ITGA6: variants seen among roughly 807,000 people sequenced by gnomAD.
The protein encoded by ITGA6 is integrin subunit alpha 6, also known as integrin alpha-6.
Under a neutral mutation model 133.6 loss-of-function variants are expected in ITGA6, and 63 were observed. The ratio of observed to expected loss-of-function variants is 0.47; its 90% confidence interval spans 0.38 to 0.58. The LOEUF is 0.58. Ranked by LOEUF, ITGA6 falls within the 20% of genes least tolerant of loss-of-function variation. The probability of loss-of-function intolerance (pLI) is 0.00; values close to 1 mark genes in which losing one functional copy is unlikely to be tolerated. For synonymous variants in ITGA6, 434 were observed against 482.0 expected (o/e 0.90, Z 1.30); for missense variants, 1,068 against 1,309.4 (o/e 0.82, Z 2.85).
At chr2:172,438,078 G>A (rs899129731) in intron 1 of ITGA6, among the ~76,000 whole-genome samples, 10 of 151,728 alleles carry the variant, frequency 6.6e-5, no homozygotes, top group Non-Finnish European at 4.4e-5. Context: ...GAGGGGTTTT[G>A]CTGTAGAGGG....
chr2:172,453,243 A>G (rs947188392), intron 1 of ITGA6, among the ~76,000 whole-genome samples: 1 of 152,096 alleles, frequency 6.6e-6, no homozygotes, highest in Non-Finnish European at 1.5e-5. Context: ...ATCACAGTAC[A>G]GGGCTGGGCG....
intron 11 of ITGA6, among the ~76,000 whole-genome samples, chr2:172,482,365 A>G (rs1203404621): frequency 6.6e-6 from 1 of 152,218 alleles, no homozygotes; most frequent in African/African-American, 2.4e-5. Context: ...ATCTTCTCCC[A>G]GTAGCCAAGA....
At chr2:172,481,316 G>C (rs912401575) in intron 11 of ITGA6, among the ~76,000 whole-genome samples, 5 of 152,104 alleles carry the variant, frequency 3.3e-5, no homozygotes, top group Non-Finnish European at 7.4e-5. Flanking sequence ...CTTGAAACAG[G>C]AAAAAATAGC....
At chr2:172,492,956 T>G (rs1436272508) in intron 23 of ITGA6, among the ~76,000 whole-genome samples, 1 of 152,202 alleles carries the variant, frequency 6.6e-6, no homozygotes, top group Non-Finnish European at 1.5e-5. Context: ...TTACCCAGGC[T>G]GGAGTGCAGT....
At chr2:172,490,926 G>A in intron 20 of ITGA6, 98 bp from the exon 21 acceptor site, 1 of 764,812 alleles carries the variant, frequency 1.3e-6, no homozygotes, top group East Asian at 2.5e-5. Flanking sequence ...TTGATTATGT[G>A]AATCTGGCAC....
chr2:172,466,999 T>C (rs899331337), intron 2 of ITGA6, among the ~76,000 whole-genome samples: 8 of 152,294 alleles, frequency 5.3e-5, no homozygotes, highest in South Asian at 2.1e-4. Flanking sequence ...TAAATCTGAG[T>C]CTTTTTCTTC....
chr2:172,437,643 A>C (rs1259497267), intron 1 of ITGA6, among the ~76,000 whole-genome samples: 1 of 152,176 alleles, frequency 6.6e-6, no homozygotes, highest in Admixed American at 6.5e-5. Flanking sequence ...TGAGTCAATT[A>C]AAAAAATTGA....
intron 1 of ITGA6, among the ~76,000 whole-genome samples, chr2:172,437,653 A>T (rs1237636689): frequency 6.6e-6 from 1 of 152,114 alleles, no homozygotes; most frequent in African/African-American, 2.4e-5. Flanking sequence ...AAAAAAATTG[A>T]ATTTAAAAGC....
Position 172,439,565 on chromosome 2 carries a change from T to C in ITGA6, c.182+11595T>C, listed in dbSNP as rs1684459149. On this transcript the variant is annotated intron_variant, in intron 1 of 25. Coordinates refer to ENST00000684293, the MANE Select transcript of ITGA6 (RefSeq NM_000210.4). ...GCATGGTGGTGGTATAAAAGCTTCA[T>C]TATAGTACAGAATGAAGTGTGTACT... 3.3e-5 allele frequency among the ~76,000 whole-genome samples: 5 copies of C among 151,994 alleles called. No individual in the cohort carries two copies. In the South Asian group the frequency reaches 1.0e-3, roughly 31 times the overall value.
intron 1 of ITGA6, among the ~76,000 whole-genome samples, chr2:172,462,656 A>G (rs942978901): frequency 4.6e-5 from 7 of 152,266 alleles, no homozygotes; most frequent in African/African-American, 1.7e-4. Flanking sequence ...TTAGTTACAG[A>G]GAGTGGAGAA....
At chr2:172,430,627 G>C (rs891762945) in intron 1 of ITGA6, among the ~76,000 whole-genome samples, 8 of 152,182 alleles carry the variant, frequency 5.3e-5, no homozygotes, top group Non-Finnish European at 1.2e-4. Context: ...TTAAACTCCA[G>C]TTATGACTTT....
chr2:172,432,226 T>C (rs568930465), intron 1 of ITGA6, among the ~76,000 whole-genome samples: 60 of 152,328 alleles, frequency 3.9e-4, no homozygotes, highest in Middle Eastern at 3.4e-3. Context: ...AATCATAGCT[T>C]AAGAACCAGT....
intron 1 of ITGA6, among the ~76,000 whole-genome samples, chr2:172,432,807 T>G (rs1405575046): frequency 6.6e-6 from 1 of 152,170 alleles, no homozygotes; most frequent in Non-Finnish European, 1.5e-5. Context: ...TGGTTGGTTG[T>G]TATGAGGCTG....
At chr2:172,428,085 C>G in intron 1 of ITGA6, 115 bp downstream of exon 1, 1 of 1,060,268 alleles carries the variant, frequency 9.4e-7, no homozygotes, top group Non-Finnish European at 1.2e-6. Flanking sequence ...TGGGTCGCGC[C>G]CGGGCCGGCC....
At chr2:172,445,605 C>T (rs1341249959) in intron 1 of ITGA6, among the ~76,000 whole-genome samples, 28 of 147,622 alleles carry the variant, frequency 1.9e-4, no homozygotes, top group African/African-American at 6.4e-4. Flanking sequence ...GCTGAGATTG[C>T]GCCACTGCTC....
Position 172,474,146 on chromosome 2 carries a change from G to A in ITGA6, c.867G>A (p.Val289=), listed in dbSNP as rs751805788. 2 of 1,614,020 alleles carry A rather than the reference G, an allele frequency of 1.2e-6. No individual in the cohort carries two copies. The highest frequency in any genetic ancestry group is 1.7e-6 in the Non-Finnish European group (2 of 1,180,000). Residue 289 remains valine (V), a synonymous_variant, in exon 6 of 26, where the codon GTG becomes GTA. Coordinates refer to ENST00000684293, the MANE Select transcript of ITGA6 (RefSeq NM_000210.4). ...CCAGAGCCAATCACAGTGGAGCCGT[G>A]GTTTTGCTGAAGAGAGACATGAAGT... is the stretch of plus-strand genomic sequence containing the variant. ...GAPRANHSGA[V]VLLKRDMKSA... is the part of the protein sequence containing the mutation.
chr2:172,463,318 C>T (rs1475380714), intron 1 of ITGA6, among the ~76,000 whole-genome samples: 1 of 152,124 alleles, frequency 6.6e-6, no homozygotes, highest in Non-Finnish European at 1.5e-5. Context: ...CAATGGGACT[C>T]CTGTGCTGCT....
intron 1 of ITGA6, among the ~76,000 whole-genome samples, chr2:172,430,556 A>T (rs1684064505): frequency 6.6e-6 from 1 of 152,208 alleles, no homozygotes; most frequent in Admixed American, 6.5e-5. Context: ...ATCATAGAAG[A>T]CCTATCATAA....
intron 13 of ITGA6, among the ~76,000 whole-genome samples, chr2:172,486,438 T>C (rs1045263993): frequency 6.6e-6 from 1 of 152,164 alleles, no homozygotes; most frequent in African/African-American, 2.4e-5. Context: ...GAGATGATTT[T>C]CTATTTATCG....
Sources: allele counts gnomAD v4.1 joint callset (sites outside exome capture counted in the v4.1 genomes callset), GRCh38; gene constraint gnomAD v4.1.1; transcripts MANE v1.5; gene names NCBI Gene and HGNC (gene_info 2026-07-23, HGNC 2026-07-21).